Variants in MTFR1 observed in about 807,000 individuals in gnomAD.
MTFR1 encodes the protein mitochondrial fission regulator 1.
In MTFR1, 28 loss-of-function variants were observed where a neutral mutation model predicts 38.8. The ratio of observed to expected loss-of-function variants is 0.72; its 90% CI spans 0.53 to 0.99. MTFR1 has a LOEUF of 0.99. Ranked by LOEUF, MTFR1 falls within the 50% of genes least tolerant of loss-of-function variation. The probability of loss-of-function intolerance (pLI) is 0.00; values close to 1 mark genes in which losing one functional copy is unlikely to be tolerated. For missense variants in MTFR1, 358 were observed against 395.5 expected (o/e 0.91, Z 0.81); for synonymous variants, 145 against 137.0 (o/e 1.06, Z -0.41).
intron 3 of MTFR1, among the ~76,000 whole-genome samples, chr8:65,758,982 C>T (rs1031138397): frequency 1.3e-5 from 2 of 152,134 alleles, no homozygotes; most frequent in Non-Finnish European, 2.9e-5. Context: ...ACTGTTCTTA[C>T]CGTCATTATG....
intron 1 of MTFR1, among the ~76,000 whole-genome samples, chr8:65,657,661 T>G (rs904744399): frequency 1.3e-5 from 2 of 151,022 alleles, no homozygotes; most frequent in African/African-American, 4.9e-5. Context: ...GCAATGATCA[T>G]GCCACTGCAC....
chr8:65,676,170 A>G (rs1804702171), intron 2 of MTFR1, among the ~76,000 whole-genome samples: 1 of 152,016 alleles, frequency 6.6e-6, no homozygotes, highest in African/African-American at 2.4e-5. Context: ...CACACTTTTA[A>G]TTTTCCCTTA....
rs559925723 is a variant in MTFR1 at position 65,697,190 on chromosome 8, G to A, written c.281+3431G>A. On this transcript the variant is annotated intron_variant, in intron 4 of 7. Coordinates refer to ENST00000262146, the MANE Select transcript of MTFR1 (RefSeq NM_014637.4). ...AGTAGAGACGGAGTTTCACCATGTT[G>A]GCCAGGCTAGTCTCGAACTCCTGAC... Among the ~76,000 whole-genome samples, 746 of 151,870 alleles carry A rather than the reference G, an allele frequency of 4.9e-3. 1 individual carries two copies. Among genetic ancestry groups the A allele is most frequent in the Non-Finnish European group, 9.0e-3 (611 of 67,958 alleles).
intron 3 of MTFR1, chr8:65,724,817 A>G: frequency 6.2e-7 from 1 of 1,612,082 alleles, no homozygotes; most frequent in Non-Finnish European, 8.5e-7. Context: ...TTCTAGGCAT[A>G]AATCACCTCT....
chr8:65,738,270 T>C lies in MTFR1; in HGVS notation c.*48+18789T>C, dbSNP rs574245404. Among the ~76,000 whole-genome samples the C allele has an allele frequency of 3.0e-4, 38 of 126,380 alleles. 1 individual carries two copies. The South Asian group carries it at 0.01, about 34-fold the overall frequency. 82.9% of individuals were successfully genotyped at this position (126,380 alleles called of 152,430 possible). A position where few individuals can be genotyped will look rare whatever the true frequency, so the allele number is the denominator to read the frequency against. The stretch of plus-strand genomic sequence containing the variant: ...TGCTGTATATAAGCAAAATTGTATA[T>C]AACCAAATAAATTACAAATTAAGCT... On this transcript the variant is annotated intron_variant, in intron 3 of 3. Transcript: ENST00000521247.
At chr8:65,735,253 T>C (rs1807077650) in intron 3 of MTFR1, among the ~76,000 whole-genome samples, 1 of 152,076 alleles carries the variant, frequency 6.6e-6, no homozygotes. Flanking sequence ...GGACAGACCA[T>C]CAGAATTCTG....
At chr8:65,751,798 G>T (rs888224872) in intron 3 of MTFR1, among the ~76,000 whole-genome samples, 2 of 152,132 alleles carry the variant, frequency 1.3e-5, no homozygotes, top group Admixed American at 6.5e-5. Flanking sequence ...AGCCCTTCCT[G>T]AGTTTTAAAA....
At chr8:65,773,744 T>G (rs1809178864), downstream of MTFR1, among the ~76,000 whole-genome samples, 1 of 152,166 alleles carries the variant, frequency 6.6e-6, no homozygotes, top group African/African-American at 2.4e-5. Context: ...ATAGTACATA[T>G]CCTATTTTAA....
chr8:65,689,196 A>G (rs1362338875), intron 3 of MTFR1, among the ~76,000 whole-genome samples: 2 of 152,200 alleles, frequency 1.3e-5, no homozygotes, highest in South Asian at 2.1e-4. Flanking sequence ...GCTATAAACA[A>G]ATGGTAGTAA....
chr8:65,679,719 C>T (rs1354751937), intron 2 of MTFR1: 3 of 152,124 alleles, frequency 2.0e-5, no homozygotes, highest in Admixed American at 2.0e-4. Flanking sequence ...GGTGGGTAGT[C>T]TGATGTTGAC....
At chr8:65,705,707 T>C (rs1429556377) in intron 5 of MTFR1, among the ~76,000 whole-genome samples, 1 of 152,190 alleles carries the variant, frequency 6.6e-6, no homozygotes, top group African/African-American at 2.4e-5. Flanking sequence ...TGCTCTAAAA[T>C]GGGGATAATA....
chr8:65,671,892 A>G (rs1240514817), intron 2 of MTFR1, among the ~76,000 whole-genome samples: 4 of 152,258 alleles, frequency 2.6e-5, no homozygotes, highest in African/African-American at 4.8e-5. Flanking sequence ...CATCTAGCAC[A>G]GTGGCTTGTA....
At position 65,749,990 on chromosome 8, in the gene MTFR1, A is replaced by G. The variant is rs939019249; in HGVS notation, c.*49-20957A>G. On this transcript the variant is annotated intron_variant, in intron 3 of 3. Transcript: ENST00000521247. Reference sequence around the variant, plus strand: ...GACTCTTCTAACTTTATTACTAGAAAAAAGTGGATCTGCAAGGGACATAAT... The same window carrying G: ...GACTCTTCTAACTTTATTACTAGAAGAAAGTGGATCTGCAAGGGACATAAT... Among the ~76,000 whole-genome samples, 4 of 151,236 alleles carry G rather than the reference A, an allele frequency of 2.6e-5. No individual in the cohort carries two copies. In the East Asian group the frequency reaches 7.8e-4, roughly 30 times the overall value.
chr8:65,662,846 C>G (rs1392562170), intron 1 of MTFR1, among the ~76,000 whole-genome samples: 1 of 151,466 alleles, frequency 6.6e-6, no homozygotes, highest in African/African-American at 2.4e-5. Flanking sequence ...CCACCTCGTC[C>G]GGAAGGGAGG....
rs745527466 is a variant in MTFR1 at position 65,687,298 on chromosome 8, C to T, written c.165+4847C>T. 3.8e-4 allele frequency among the ~76,000 whole-genome samples: 58 copies of T among 151,264 alleles called. 1 individual carries two copies. Among genetic ancestry groups the T allele is most frequent in the Non-Finnish European group, 5.3e-4 (36 of 67,894 alleles). ...AATCCAATTCAGTTGAACCACTGCA[C>T]ATATTTCAAACATAATAAATATATA... is the stretch of plus-strand genomic sequence containing the variant. On this transcript the variant is annotated intron_variant, in intron 3 of 7. Coordinates refer to ENST00000262146, the MANE Select transcript of MTFR1 (RefSeq NM_014637.4).
intron 1 of MTFR1, among the ~76,000 whole-genome samples, chr8:65,660,228 T>C (rs1456218570): frequency 6.7e-6 from 1 of 148,374 alleles, no homozygotes; most frequent in Admixed American, 6.8e-5. Context: ...GAGGTGGAGG[T>C]TGTGGTGAGC....
chr8:65,692,782 C>G (rs1419206764), intron 3 of MTFR1, among the ~76,000 whole-genome samples: 1 of 151,880 alleles, frequency 6.6e-6, no homozygotes, highest in East Asian at 1.9e-4. Flanking sequence ...TTTTAAAAAA[C>G]ATTTTCAACA....
intron 3 of MTFR1, among the ~76,000 whole-genome samples, chr8:65,746,250 T>C (rs1005821836): frequency 6.6e-6 from 1 of 152,092 alleles, no homozygotes; most frequent in Admixed American, 6.5e-5. Flanking sequence ...TTGTTTTCAA[T>C]TCTCATTTTA....
At chr8:65,650,576 C>T (rs183010839) in intron 1 of MTFR1, among the ~76,000 whole-genome samples, 91 of 152,276 alleles carry the variant, frequency 6.0e-4, no homozygotes, top group Middle Eastern at 6.8e-3. Flanking sequence ...TGGCTTATTT[C>T]GCTTAACATA....
Sources: allele counts gnomAD v4.1 joint callset (sites outside exome capture counted in the v4.1 genomes callset), GRCh38; gene constraint gnomAD v4.1.1; transcripts MANE v1.5; gene names NCBI Gene and HGNC (gene_info 2026-07-23, HGNC 2026-07-21).